PCDH9: variants seen among roughly 807,000 people sequenced by gnomAD.
PCDH9 encodes protocadherin-9.
PCDH9 carries 24 observed loss-of-function variants against 70.6 expected under a neutral mutation model. That is an observed-to-expected ratio of 0.34 (90% CI 0.25 to 0.48). PCDH9 has a LOEUF of 0.48. Among genes scored for constraint, PCDH9 ranks in the 20% least tolerant of loss-of-function variants. PCDH9 has a pLI of 0.99. For missense variants in PCDH9, 1,281 were observed against 1,503.6 expected (o/e 0.85, Z 2.45); for synonymous variants, 562 against 558.5 (o/e 1.01, Z -0.09).
chr13:66,546,065 C>G (rs928660360), intron 4 of PCDH9, among the ~76,000 whole-genome samples: 3 of 151,748 alleles, frequency 2.0e-5, no homozygotes, highest in Non-Finnish European at 4.4e-5. Flanking sequence ...GTCTCGATCT[C>G]CTGACCTCAT....
intron 3 of PCDH9, among the ~76,000 whole-genome samples, chr13:66,836,093 T>TA (rs2081012784): frequency 6.6e-6 from 1 of 152,054 alleles, no homozygotes; most frequent in Non-Finnish European, 1.5e-5. Flanking sequence ...TAGATAGAAA[T>TA]AAAAATGAGA....
intron 4 of PCDH9, among the ~76,000 whole-genome samples, chr13:66,616,357 T>C (rs2077355497): frequency 6.6e-6 from 1 of 151,510 alleles, no homozygotes; most frequent in South Asian, 2.1e-4. Context: ...AGGCCAAGTA[T>C]AAGTCTAACA....
intron 4 of PCDH9, among the ~76,000 whole-genome samples, chr13:66,462,840 C>T (rs1349646711): frequency 6.6e-6 from 1 of 151,716 alleles, no homozygotes; most frequent in Non-Finnish European, 1.5e-5. Flanking sequence ...AAAGTCACTC[C>T]TATTTTCTAC....
intron 2 of PCDH9, among the ~76,000 whole-genome samples, chr13:67,083,861 G>A (rs189135652): frequency 6.6e-6 from 1 of 152,232 alleles, no homozygotes; most frequent in East Asian, 1.9e-4. Flanking sequence ...TCAGTTTAAA[G>A]GATTTTCAGT....
intron 2 of PCDH9, among the ~76,000 whole-genome samples, chr13:66,951,665 T>C (rs2083183489): frequency 6.6e-6 from 1 of 152,176 alleles, no homozygotes; most frequent in Non-Finnish European, 1.5e-5. Flanking sequence ...GTGATGCAAA[T>C]GTCAAAACAC....
chr13:66,566,792 TAGAC>T (rs1469544546), intron 4 of PCDH9, among the ~76,000 whole-genome samples: 2 of 152,178 alleles, frequency 1.3e-5, no homozygotes, highest in Non-Finnish European at 2.9e-5. Context: ...ATAATTTTGT[TAGAC>T]AGCATCTTAT....
chr13:66,552,559 G>A (rs1286596357), intron 4 of PCDH9, among the ~76,000 whole-genome samples: 1 of 152,076 alleles, frequency 6.6e-6, no homozygotes, highest in Non-Finnish European at 1.5e-5. Context: ...TCTTTGTGTT[G>A]TTGAGGTAGT....
chr13:67,182,998 G>A (rs2088657797), intron 2 of PCDH9, among the ~76,000 whole-genome samples: 1 of 152,016 alleles, frequency 6.6e-6, no homozygotes, highest in Non-Finnish European at 1.5e-5. Flanking sequence ...TTCTTAGCTA[G>A]GTGTTGGAAG....
chr13:66,331,434 C>G (rs1388469104), intron 4 of PCDH9, among the ~76,000 whole-genome samples: 1 of 152,102 alleles, frequency 6.6e-6, no homozygotes, highest in Non-Finnish European at 1.5e-5. Flanking sequence ...CAATACATCT[C>G]TTTATTTGAA....
At chr13:66,976,335 T>G (rs2083619947) in intron 2 of PCDH9, among the ~76,000 whole-genome samples, 2 of 152,210 alleles carry the variant, frequency 1.3e-5, no homozygotes, top group South Asian at 2.1e-4. Flanking sequence ...TGTAAAGTAG[T>G]CAATCTAAAG....
At chr13:67,120,795 T>C (rs1041148104) in intron 2 of PCDH9, among the ~76,000 whole-genome samples, 5 of 152,296 alleles carry the variant, frequency 3.3e-5, no homozygotes, top group South Asian at 2.1e-4. Context: ...TTCTCATTTA[T>C]GGACTGCTTT....
At chr13:66,877,814 G>A (rs918929524) in intron 3 of PCDH9, among the ~76,000 whole-genome samples, 3 of 152,060 alleles carry the variant, frequency 2.0e-5, no homozygotes, top group African/African-American at 7.2e-5. Context: ...TGGCTCCTGC[G>A]AGTTAAAATA....
intron 4 of PCDH9, among the ~76,000 whole-genome samples, chr13:66,536,562 G>T (rs1408878379): frequency 1.3e-5 from 2 of 152,040 alleles, no homozygotes; most frequent in Non-Finnish European, 2.9e-5. Context: ...AATGAAGAAA[G>T]TCTTGATATT....
chr13:66,872,083 C>T (rs2081702415), intron 3 of PCDH9, among the ~76,000 whole-genome samples: 1 of 152,142 alleles, frequency 6.6e-6, no homozygotes, highest in South Asian at 2.1e-4. Context: ...TGAAACAGCA[C>T]TAGAGACTGA....
At chr13:67,172,326 C>T (rs2088311024) in intron 2 of PCDH9, among the ~76,000 whole-genome samples, 1 of 152,176 alleles carries the variant, frequency 6.6e-6, no homozygotes, top group Non-Finnish European at 1.5e-5. Context: ...GTAGCACATA[C>T]TAGTAAGAGT....
At chr13:66,846,853 C>T (rs116055466) in intron 3 of PCDH9, among the ~76,000 whole-genome samples, 1,524 of 150,546 alleles carry the variant, frequency 0.01, 27 homozygotes, top group African/African-American at 0.035. Context: ...TTCCTCTGGG[C>T]ATTCTATCAA....
chr13:66,330,639 G>GAA (rs35381404), intron 4 of PCDH9, among the ~76,000 whole-genome samples: 8 of 147,374 alleles, frequency 5.4e-5, no homozygotes, highest in Non-Finnish European at 7.5e-5. Flanking sequence ...CAAACTTCCA[G>GAA]AAAAAAAAAA....
intron 4 of PCDH9, among the ~76,000 whole-genome samples, chr13:66,489,846 AC>A (rs1959004610): frequency 6.6e-6 from 1 of 152,218 alleles, no homozygotes; most frequent in Non-Finnish European, 1.5e-5. Context: ...AGAGCTAGTA[AC>A]AGTCTTAAAA....
At chr13:67,032,250 C>A (rs1250804335) in intron 2 of PCDH9, among the ~76,000 whole-genome samples, 2 of 152,140 alleles carry the variant, frequency 1.3e-5, no homozygotes, top group Non-Finnish European at 2.9e-5. Flanking sequence ...CTCAAGCCAT[C>A]TTCCCACCTC....
Sources: gnomAD v4.1 joint callset for allele counts (sites outside exome capture counted in the v4.1 genomes callset) on GRCh38, gnomAD v4.1.1 for gene constraint, MANE v1.5 for transcripts, NCBI Gene and HGNC (gene_info 2026-07-23, HGNC 2026-07-21) for gene names.